PCDHGA2: variants seen among roughly 807,000 people sequenced by gnomAD.
The protein encoded by PCDHGA2 is protocadherin gamma-A2.
PCDHGA2 carries 40 observed loss-of-function variants against 59.2 expected under a neutral mutation model. The observed-to-expected ratio is 0.68, with a 90% CI of 0.52 to 0.88. The LOEUF (loss-of-function observed/expected upper bound fraction) is 0.88, where lower values mean the gene tolerates loss of function less well. Among genes scored for constraint, PCDHGA2 ranks in the 40% least tolerant of loss-of-function variants. PCDHGA2 has a pLI of 0.00. For missense variants in PCDHGA2, 1,226 were observed against 1,204.0 expected (o/e 1.02, Z -0.27); for synonymous variants, 560 against 526.0 (o/e 1.06, Z -0.89).
At chr5:141,380,410 C>T (rs1776475585) in intron 1 of PCDHGA2, among the ~76,000 whole-genome samples, 1 of 151,998 alleles carries the variant, frequency 6.6e-6, no homozygotes, top group Non-Finnish European at 1.5e-5. Flanking sequence ...AATTCGATGC[C>T]CAGGAAGCCA....
At chr5:141,365,887 C>T in intron 1 of PCDHGA2, 1 of 1,614,160 alleles carries the variant, frequency 6.2e-7, no homozygotes, top group Middle Eastern at 1.6e-4. Flanking sequence ...CTCTGAGATC[C>T]TTCGACTATG....
At chr5:141,415,859 T>C in intron 1 of PCDHGA2, 1 of 1,187,664 alleles carries the variant, frequency 8.4e-7, no homozygotes, top group Non-Finnish European at 1.1e-6. Context: ...CCTTGTAGTT[T>C]ATAGTGTTGT....
At chr5:141,356,463 T>C (rs1304745110) in intron 1 of PCDHGA2, 4 of 1,613,576 alleles carry the variant, frequency 2.5e-6, no homozygotes, top group Non-Finnish European at 3.4e-6. Context: ...ATAACATCAC[T>C]GTAACTGCCA....
intron 1 of PCDHGA2, chr5:141,365,447 G>T (rs931548015): frequency 6.2e-7 from 1 of 1,614,034 alleles, no homozygotes; most frequent in Middle Eastern, 1.6e-4. Context: ...TAGCGTACAT[G>T]ATGGTGATTC....
intron 3 of PCDHGA2, among the ~76,000 whole-genome samples, chr5:141,509,092 G>T (rs943269087): frequency 1.3e-5 from 2 of 152,180 alleles, no homozygotes; most frequent in African/African-American, 4.8e-5. Context: ...TGAAATGGGG[G>T]CTGTAGAAAC....
chr5:141,446,821 T>G (rs183143971), intron 1 of PCDHGA2, among the ~76,000 whole-genome samples: 2 of 152,184 alleles, frequency 1.3e-5, no homozygotes, highest in South Asian at 4.1e-4. Context: ...GTCAGATGGG[T>G]AGATCCTTAT....
At chr5:141,473,988 G>C (rs1006988447) in intron 1 of PCDHGA2, among the ~76,000 whole-genome samples, 8 of 152,118 alleles carry the variant, frequency 5.3e-5, no homozygotes, top group Non-Finnish European at 4.4e-5. Context: ...AGGATCCCTT[G>C]AGCCCAAGGA....
chr5:141,356,928 G>A, intron 1 of PCDHGA2: 1 of 1,614,206 alleles, frequency 6.2e-7, no homozygotes, highest in Non-Finnish European at 8.5e-7. Flanking sequence ...CTGGTGTGGA[G>A]CTGGCACCCC....
chr5:141,372,219 G>C, intron 1 of PCDHGA2: 5 of 1,613,542 alleles, frequency 3.1e-6, no homozygotes, highest in Non-Finnish European at 4.2e-6. Flanking sequence ...CTACCACATT[G>C]TGCAGGCCAG....
chr5:141,436,501 G>A (rs1382579407), intron 1 of PCDHGA2, among the ~76,000 whole-genome samples: 1 of 152,118 alleles, frequency 6.6e-6, no homozygotes, highest in Admixed American at 6.5e-5. Context: ...TTGCAATTAG[G>A]TAAATTGTTA....
intron 1 of PCDHGA2, among the ~76,000 whole-genome samples, chr5:141,481,730 G>C (rs778885944): frequency 6.6e-5 from 10 of 151,952 alleles, no homozygotes; most frequent in Non-Finnish European, 1.3e-4. Flanking sequence ...GAGGCGGGCG[G>C]ATCACGAGGT....
intron 1 of PCDHGA2, among the ~76,000 whole-genome samples, chr5:141,456,464 A>T (rs1430885015): frequency 6.6e-6 from 1 of 152,192 alleles, no homozygotes; most frequent in Non-Finnish European, 1.5e-5. Flanking sequence ...TCAATACAAG[A>T]CATATAAGCA....
chr5:141,352,657 T>C (rs1387193167), intron 1 of PCDHGA2: 1 of 1,596,844 alleles, frequency 6.3e-7, no homozygotes, highest in Admixed American at 1.8e-5. Flanking sequence ...ATGACCCTTC[T>C]TTGTCTTCGC....
rs1166937901 is a variant in PCDHGA2, at chr5:141,339,740, G to C, written c.769G>C (p.Val257Leu). ...CATAAGCATTCCGGAGAATACGCTC[G>C]TGGGCACCCGGATACTCACGGTGAC... ...YRISIPENTLVGTRILTVTAT... is the reference protein window; with the variant it reads ...YRISIPENTLLGTRILTVTAT... The change falls in exon 1 of 4, where the codon GTG (valine) becomes CTG (leucine). Residue 257 changes from valine (V) to leucine (L), a missense_variant. Transcript: ENST00000394576. 2 of 1,613,958 alleles carry C rather than the reference G, an allele frequency of 1.2e-6. No homozygotes were observed. Among genetic ancestry groups the C allele is most frequent in the African/African-American group, 1.3e-5 (1 of 74,892 alleles).
chr5:141,448,543 G>C (rs1001667281), intron 1 of PCDHGA2, among the ~76,000 whole-genome samples: 3 of 151,988 alleles, frequency 2.0e-5, no homozygotes, highest in Admixed American at 6.6e-5. Context: ...CATTTCTTAT[G>C]CAAATATGTA....
At chr5:141,360,105 C>A in intron 1 of PCDHGA2, 1 of 1,550,518 alleles carries the variant, frequency 6.4e-7, no homozygotes. Context: ...CTTATTCCTC[C>A]TATGGGCAAA....
At chr5:141,355,079 A>G in intron 1 of PCDHGA2, 1 of 1,415,968 alleles carries the variant, frequency 7.1e-7, no homozygotes, top group Non-Finnish European at 9.4e-7. Context: ...GAAAGCTTCA[A>G]GCGGAAGCCC....
intron 1 of PCDHGA2, chr5:141,396,121 G>T: frequency 6.6e-6 from 1 of 152,188 alleles, no homozygotes. Context: ...AATGTTTCAG[G>T]TACACAAGTT....
chr5:141,456,312 GCTC>G (rs2098849548), intron 1 of PCDHGA2, among the ~76,000 whole-genome samples: 1 of 152,126 alleles, frequency 6.6e-6, no homozygotes, highest in Admixed American at 6.6e-5. Context: ...AGCAGCTAGG[GCTC>G]CTCCTGGGGT....
Sources: gnomAD v4.1 joint callset for allele counts (sites outside exome capture counted in the v4.1 genomes callset) on GRCh38, gnomAD v4.1.1 for gene constraint, MANE v1.5 for transcripts, NCBI Gene and HGNC (gene_info 2026-07-23, HGNC 2026-07-21) for gene names.